PDE9A: variants seen among roughly 807,000 people sequenced by gnomAD.
The protein encoded by PDE9A is high affinity cGMP-specific 3',5'-cyclic phosphodiesterase 9A.
PDE9A carries 60 observed loss-of-function variants against 87.4 expected under a neutral mutation model. That is an observed-to-expected ratio of 0.69 (90% confidence interval 0.56 to 0.85). PDE9A has a LOEUF of 0.85. Among genes scored for constraint, PDE9A ranks in the 40% least tolerant of loss-of-function variants. The pLI is 0.00. For synonymous variants in PDE9A, 272 were observed against 279.4 expected (o/e 0.97, Z 0.27); for missense variants, 665 against 779.0 (o/e 0.85, Z 1.74).
Position 42,732,082 on chromosome 21 carries a change from T to C in PDE9A, c.455T>C (p.Leu152Ser). The change falls in exon 6 of 20, where the codon TTA becomes TCA. Residue 152 changes from leucine (L) to serine (S), a missense_variant. Physicochemically the swap from Leu to Ser is moderately radical, Grantham distance 145. Coordinates refer to ENST00000291539, the MANE Select transcript of PDE9A (RefSeq NM_002606.3). ...CTTTGGTTTGTAGAGAGAGAAGAATTAATCCAGAGCGTGCTGGCGCAGGTT... is the reference window on the plus strand; with the variant it reads ...CTTTGGTTTGTAGAGAGAGAAGAATCAATCCAGAGCGTGCTGGCGCAGGTT... The part of the protein sequence containing the change: ...GQRIPPEREE[L>S]IQSVLAQVAE... 1 of 1,614,194 alleles carries C rather than the reference T, an allele frequency of 6.2e-7. No homozygotes were observed. The highest frequency in any genetic ancestry group is 8.5e-7 in the Non-Finnish European group (1 of 1,179,978).
intron 7 of PDE9A, among the ~76,000 whole-genome samples, chr21:42,737,224 C>G (rs2052552888): frequency 6.6e-6 from 1 of 152,226 alleles, no homozygotes; most frequent in African/African-American, 2.4e-5. Context: ...GGCAGATGCT[C>G]CCATCTACAT....
At chr21:42,697,637 C>A in intron 3 of PDE9A, 1 of 677,056 alleles carries the variant, frequency 1.5e-6, no homozygotes, top group South Asian at 1.7e-5. Flanking sequence ...GGTTCTGTTC[C>A]TGGGGAGGCC....
intron 19 of PDE9A, among the ~76,000 whole-genome samples, chr21:42,773,548 C>G (rs1245612779): frequency 1.3e-5 from 2 of 152,214 alleles, no homozygotes; most frequent in East Asian, 3.9e-4. Context: ...TGGCTCACGC[C>G]TGTAATCCAA....
chr21:42,732,855 C>T (rs1226649577), intron 6 of PDE9A, among the ~76,000 whole-genome samples: 3 of 152,118 alleles, frequency 2.0e-5, no homozygotes, highest in Admixed American at 6.5e-5. Flanking sequence ...TGGAGGTTGC[C>T]GTGAGCCGAG....
Position 42,772,516 on chromosome 21 carries a change from T to A in PDE9A, c.1764T>A (p.Ser588Arg), listed in dbSNP as rs1223957595. Residue 588 changes from serine (S) to arginine (R), a missense_variant, in exon 19 of 20, where the codon AGT becomes AGA. By Grantham distance (110) the Ser-to-Arg change is moderately radical. Coordinates refer to ENST00000291539, the MANE Select transcript of PDE9A (RefSeq NM_002606.3). ...AGAGAAGCAGAGATGTGAAAAACAG[T>A]GAAGGTAATGCTTGCTCTGCTGAAG... ...SRERSRDVKN[S>R]EGDCA 6.3e-7 allele frequency: 1 copy of A among 1,594,532 alleles called. No individual in the cohort carries two copies.
chr21:42,743,575 G>A (rs1360958436), intron 7 of PDE9A, among the ~76,000 whole-genome samples: 1 of 152,164 alleles, frequency 6.6e-6, no homozygotes, highest in African/African-American at 2.4e-5. Flanking sequence ...ACATGCCTGC[G>A]AGGATAGAGT....
chr21:42,703,445 T>C (rs1183807444), intron 4 of PDE9A, among the ~76,000 whole-genome samples: 2 of 152,176 alleles, frequency 1.3e-5, no homozygotes, highest in African/African-American at 4.8e-5. Flanking sequence ...CATAAAGCCC[T>C]GGAGGCAGGA....
At chr21:42,768,134 A>T (rs1212771164) in intron 15 of PDE9A, 54 bp from the exon 16 acceptor site, 5 of 998,108 alleles carry the variant, frequency 5.0e-6, no homozygotes, top group Non-Finnish European at 6.2e-6. Flanking sequence ...GAGCAGCAGC[A>T]GCAGGCCCGT....
At chr21:42,753,310 T>C (rs538985884) in intron 9 of PDE9A, among the ~76,000 whole-genome samples, 2 of 152,310 alleles carry the variant, frequency 1.3e-5, no homozygotes, top group East Asian at 3.9e-4. Flanking sequence ...CCAGCTATTG[T>C]CCATTTTATC....
intron 1 of PDE9A, among the ~76,000 whole-genome samples, chr21:42,685,850 C>T (rs1045027016): frequency 6.6e-6 from 1 of 152,136 alleles, no homozygotes; most frequent in African/African-American, 2.4e-5. Context: ...CTTGAAGACC[C>T]GGTGCCAAGC....
chr21:42,673,393 C>T (rs1224175813), intron 1 of PDE9A, among the ~76,000 whole-genome samples: 3 of 152,192 alleles, frequency 2.0e-5, no homozygotes, highest in Non-Finnish European at 4.4e-5. Context: ...TAGGAGCATT[C>T]GGTAGCAGAG....
intron 1 of PDE9A, among the ~76,000 whole-genome samples, chr21:42,666,514 G>A (rs548331507): frequency 2.6e-5 from 4 of 152,244 alleles, no homozygotes; most frequent in South Asian, 2.1e-4. Context: ...GTGTGCATCC[G>A]GCGTCACAAA....
In PDE9A at chr21:42,671,741, T is replaced by C. The variant is rs111330233; in HGVS notation, c.70-14451T>C. Among the ~76,000 whole-genome samples, 7 of 152,274 alleles carry C rather than the reference T, an allele frequency of 4.6e-5. 2 individuals carry two copies. Among genetic ancestry groups the C allele is most frequent in the African/African-American group, 1.7e-4 (7 of 41,566 alleles). On this transcript the variant is annotated intron_variant, in intron 1 of 19. Coordinates refer to ENST00000291539, the MANE Select transcript of PDE9A (RefSeq NM_002606.3). The stretch of plus-strand genomic sequence containing the variant: ...TTTCTTGGGTAATAAGAAAAAACAA[T>C]AGAATGTGGAATTTGGGGCTTGGCC...
rs913739891 is a variant in PDE9A at position 42,768,542 on chromosome 21, C to A, written c.1461+250C>A. On this transcript the variant is annotated intron_variant, in intron 16 of 19. Coordinates refer to ENST00000291539, the MANE Select transcript of PDE9A (RefSeq NM_002606.3). The stretch of plus-strand genomic sequence containing the variant: ...TGTCACCTGTCACTGCTAATTGAGC[C>A]ATTATTACAAGCAGCCTTGTCAAAC... 6.2e-6 allele frequency: 8 copies of A among 1,291,344 alleles called. No homozygotes were observed. The Admixed American group carries it at 2.2e-4, about 36-fold the overall frequency. The allele number at this position is 1,291,344 out of a possible 1,614,324, so 80.0% of individuals were successfully genotyped here. A position where few individuals can be genotyped will look rare whatever the true frequency, so the allele number is the denominator to read the frequency against.
chr21:42,697,628 G>A lies in PDE9A; in HGVS notation c.219-1340G>A, dbSNP rs1275940410. The A allele has an allele frequency of 4.2e-6, 3 of 706,208 alleles. No individual in the cohort carries two copies. The South Asian group carries it at 5.0e-5, about 12-fold the overall frequency. The allele number at this position is 706,208 out of a possible 1,614,324, so 43.7% of individuals were successfully genotyped here. On this transcript the variant is annotated intron_variant, in intron 3 of 19. Coordinates refer to ENST00000291539, the MANE Select transcript of PDE9A (RefSeq NM_002606.3). ...AAATCCAAGATGAGGGTGTGGGCAG[G>A]TTCTGTTCCTGGGGAGGCCTCTCTT...
intron 1 of PDE9A, among the ~76,000 whole-genome samples, chr21:42,681,863 T>C (rs2059183558): frequency 6.6e-6 from 1 of 152,236 alleles, no homozygotes; most frequent in Non-Finnish European, 1.5e-5. Flanking sequence ...TATTTGTTTC[T>C]GGATAAAGGA....
rs889432829 is a variant in PDE9A, at chr21:42,754,203, C to T, written c.810+139C>T. ...TAAAGACTGAAAAAAAAAAACAAAA[C>T]TTGTTTTGCCAGGTTTTAGTTGAAA... On this transcript the variant is annotated intron_variant, in intron 10 of 19. Coordinates refer to ENST00000291539, the MANE Select transcript of PDE9A (RefSeq NM_002606.3). 3 of 597,108 alleles carry T rather than the reference C, an allele frequency of 5.0e-6. No individual in the cohort carries two copies. In the African/African-American group the frequency reaches 5.7e-5, roughly 11 times the overall value. 37.0% of individuals were successfully genotyped at this position (597,108 alleles called of 1,614,324 possible).
intron 19 of PDE9A, among the ~76,000 whole-genome samples, chr21:42,773,647 A>G (rs1465043802): frequency 1.3e-5 from 2 of 151,788 alleles, no homozygotes; most frequent in Admixed American, 1.3e-4. Flanking sequence ...TTTAAACACA[A>G]AAAATTAGCC....
rs143732189 is a variant in PDE9A, at chr21:42,659,950, G to A, written c.69+6067G>A. ...TGCAAATGAGAGATGAAACGGGGAC[G>A]AGCCGGGCAGCTGATCTCAGTGCAG... On this transcript the variant is annotated intron_variant, in intron 1 of 19. Coordinates refer to ENST00000291539, the MANE Select transcript of PDE9A (RefSeq NM_002606.3). This position sits in a 1 kb window ranked among gnomAD's most constrained non-coding sequence, Gnocchi z 4.1. Among the ~76,000 whole-genome samples the A allele has an allele frequency of 1.7e-4, 26 of 152,342 alleles. No individual in the cohort carries two copies. Among genetic ancestry groups the A allele is most frequent in the Non-Finnish European group, 2.5e-4 (17 of 68,016 alleles).
Sources: gnomAD v4.1 joint callset for allele counts (sites outside exome capture counted in the v4.1 genomes callset) on GRCh38, gnomAD v4.1.1 for gene constraint, Gnocchi (gnomAD v3.1) non-coding constraint, MANE v1.5 for transcripts, NCBI Gene and HGNC (gene_info 2026-07-23, HGNC 2026-07-21) for gene names.